Variants in ZBTB7B observed in about 807,000 individuals in gnomAD.
ZBTB7B encodes zinc finger and BTB domain containing 7B, also known as zinc finger and BTB domain-containing protein 7B.
In ZBTB7B, 8 loss-of-function variants were observed where a neutral mutation model predicts 31.0. That is an observed-to-expected ratio of 0.26 (90% CI 0.15 to 0.47). The LOEUF is 0.47. Among genes scored for constraint, ZBTB7B ranks in the 20% least tolerant of loss-of-function variants. The pLI is 0.99. For synonymous variants in ZBTB7B, 261 were observed against 307.3 expected (o/e 0.85, Z 1.58); for missense variants, 494 against 742.4 (o/e 0.67, Z 3.89).
chr1:155,005,216 T>TG (rs1320312559), intron 1 of ZBTB7B, among the ~76,000 whole-genome samples: 3 of 118,458 alleles, frequency 2.5e-5, no homozygotes, highest in South Asian at 2.6e-4. Flanking sequence ...CCAGCAGGCA[T>TG]GGGGGGCGGA....
rs780480698 is a variant in ZBTB7B, at chr1:155,010,940, T to A, written c.-6-3715T>A. The A allele has an allele frequency of 2.0e-6, 3 of 1,535,282 alleles. No individual in the cohort carries two copies. In the South Asian group the frequency reaches 3.6e-5, roughly 18 times the overall value. ...GGAAGATGTTACAGCCTGGTCCTCA[T>A]CCTCCCTCACCCCAAGCTGCTGCTC... On this transcript the variant is annotated intron_variant, in intron 1 of 2. Coordinates refer to ENST00000535420, the MANE Select transcript of ZBTB7B (RefSeq NM_001256455.2).
rs758680649 is a variant in ZBTB7B at position 155,015,789 on chromosome 1, G to A, written c.1129G>A (p.Glu377Lys). 17 of 1,611,572 alleles carry A rather than the reference G, an allele frequency of 1.1e-5. No individual in the cohort carries two copies. The highest frequency in any genetic ancestry group is 1.3e-5 in the African/African-American group (1 of 74,862). ...CACAGGCGAGAAGCCCTTTGCCTGC[G>A]AGGTCTGCGGTGTTCGATTCACCAG... ...THTGEKPFAC[E>K]VCGVRFTRND... Residue 377 changes from glutamate (E) to lysine (K), a missense_variant, in exon 2 of 3, where the codon GAG (glutamate) becomes AAG (lysine). This residue lies in a region of ZBTB7B where 61 missense variants were observed against 170.0 expected (regional missense o/e 0.36). Coordinates refer to ENST00000535420, the MANE Select transcript of ZBTB7B (RefSeq NM_001256455.2).
At chr1:155,011,005 A>G in intron 1 of ZBTB7B, 1 of 1,535,254 alleles carries the variant, frequency 6.5e-7, no homozygotes, top group Non-Finnish European at 8.7e-7. Flanking sequence ...GCTCCCTGGC[A>G]GAGCCTAGAG....
intron 1 of ZBTB7B, chr1:155,014,131 A>G: frequency 4.1e-6 from 4 of 967,114 alleles, no homozygotes; most frequent in Non-Finnish European, 4.9e-6. Flanking sequence ...TCCCCAGGTT[A>G]TGAGGAGGTT....
intron 1 of ZBTB7B, among the ~76,000 whole-genome samples, chr1:155,009,355 G>C (rs1459091493): frequency 6.6e-6 from 1 of 151,152 alleles, no homozygotes; most frequent in Non-Finnish European, 1.5e-5. Context: ...AGCCAGCTCG[G>C]TTACCCAGCC....
At chr1:155,009,820 A>G (rs1039217604) in intron 1 of ZBTB7B, among the ~76,000 whole-genome samples, 2 of 151,988 alleles carry the variant, frequency 1.3e-5, no homozygotes, top group African/African-American at 4.8e-5. Context: ...GAAGAAGGGA[A>G]TGGATGGTTG....
chr1:155,013,499 G>T (rs1304274355), intron 1 of ZBTB7B, among the ~76,000 whole-genome samples: 2 of 152,218 alleles, frequency 1.3e-5, no homozygotes, highest in African/African-American at 4.8e-5. Flanking sequence ...GCAGAGCCAG[G>T]ATTTAAAGCA....
chr1:155,015,277 A>C lies in ZBTB7B; in HGVS notation c.617A>C (p.Lys206Thr). Residue 206 changes from lysine to threonine, a missense_variant, in exon 2 of 3, where the codon AAA becomes ACA. By Grantham distance (78) the Lys-to-Thr change is moderately conservative. Coordinates refer to ENST00000535420, the MANE Select transcript of ZBTB7B (RefSeq NM_001256455.2). ...GCCCGCCGCAGCCGCAAGCCCCGGA[A>C]AGCTTTCCTGCAAACCAAGGGGGCC... ...PVARRSRKPRKAFLQTKGARA... is the reference protein window; with the variant it reads ...PVARRSRKPRTAFLQTKGARA... 1.2e-6 allele frequency: 2 copies of C among 1,613,532 alleles called. No individual in the cohort carries two copies. Among genetic ancestry groups the C allele is most frequent in the Non-Finnish European group, 1.7e-6 (2 of 1,179,804 alleles).
chr1:155,015,396 G>A lies in ZBTB7B; in HGVS notation c.736G>A (p.Gly246Arg). ...EEVAGRVGSS[G>R]GSGPGDSYSP... is the part of the protein sequence containing the mutation. ...GGTGGCGGGCAGAGTGGGCAGCAGTGGGGGCAGTGGGCCGGGGGACAGCTA... is the reference window on the plus strand; with the variant it reads ...GGTGGCGGGCAGAGTGGGCAGCAGTAGGGGCAGTGGGCCGGGGGACAGCTA... The change falls in exon 2 of 3, where the codon GGG (glycine) becomes AGG (arginine). Residue 246 changes from glycine (G) to arginine (R), a missense_variant. Gly to Arg is a moderately radical substitution (Grantham distance 125). Coordinates refer to ENST00000535420, the MANE Select transcript of ZBTB7B (RefSeq NM_001256455.2). 1 of 1,570,006 alleles carries A rather than the reference G, an allele frequency of 6.4e-7. No homozygotes were observed. Among genetic ancestry groups the A allele is most frequent in the South Asian group, 1.2e-5 (1 of 84,274 alleles).
chr1:155,016,527 A>T lies in ZBTB7B; in HGVS notation c.1462A>T (p.Asn488Tyr). 2 of 1,613,988 alleles carry T rather than the reference A, an allele frequency of 1.2e-6. No individual in the cohort carries two copies. Among genetic ancestry groups the T allele is most frequent in the Non-Finnish European group, 1.7e-6 (2 of 1,179,942 alleles). ...ATCCCCCGCTGGCCTCGACCTCTCCAATGGCCACCTGGACACCTTCCGCCT... is the reference window on the plus strand; with the variant it reads ...ATCCCCCGCTGGCCTCGACCTCTCCTATGGCCACCTGGACACCTTCCGCCT... ...AASPAGLDLS[N>Y]GHLDTFRLSL... Residue 488 changes from asparagine (N) to tyrosine (Y), a missense_variant, in exon 3 of 3, where the codon AAT (asparagine) becomes TAT (tyrosine). Around this residue, in one of 5 missense-constraint regions of ZBTB7B, gnomAD observed 101 missense variants for 119.5 expected, o/e 0.85. Transcript: ENST00000535420. This position sits in a 1 kb window ranked among gnomAD's most constrained non-coding sequence, Gnocchi z 4.3.
chr1:155,018,404 C>T lies in ZBTB7B; in HGVS notation c.*1719C>T. 1.1e-6 allele frequency: 1 copy of T among 884,856 alleles called. No homozygotes were observed. Among genetic ancestry groups the T allele is most frequent in the Non-Finnish European group, 1.7e-6 (1 of 592,896 alleles). 54.8% of individuals were successfully genotyped at this position (884,856 alleles called of 1,614,324 possible). ...TGGCCTCCCTTCTCCCTACTTTCGG[C>T]TTTCCCAGTCAGTGCCTTAGGGGGA... On this transcript the variant is annotated 3_prime_UTR_variant, in exon 3 of 3. Transcript: ENST00000535420.
At chr1:155,002,710 G>C (rs1482299380), upstream of ZBTB7B, 1 of 139,144 alleles carries the variant, frequency 7.2e-6, no homozygotes, top group Non-Finnish European at 1.6e-5. Flanking sequence ...TGAGGGGGGG[G>C]CGGGTGGGAG....
At position 155,011,550 on chromosome 1, in the gene ZBTB7B, TG is replaced by T. The variant is rs1324380500; in HGVS notation, c.-6-3098del. Among the ~76,000 whole-genome samples, 32 of 150,944 alleles carry T rather than the reference TG, an allele frequency of 2.1e-4. 1 individual carries two copies. In the Middle Eastern group the frequency reaches 0.014, roughly 65 times the overall value. Reference sequence around the variant, plus strand: ...AGCAGGCCTGACAGTGAGGGGAGCCTGGGGGGGTGGCGGGAAAGAGGGGAGT... The same window carrying T: ...AGCAGGCCTGACAGTGAGGGGAGCCTGGGGGGTGGCGGGAAAGAGGGGAGT... On this transcript the variant is annotated intron_variant, in intron 1 of 2. Transcript: ENST00000535420.
Position 155,003,433 on chromosome 1 carries a change from G to T in ZBTB7B, c.-7+490G>T, listed in dbSNP as rs1218204465. On this transcript the variant is annotated intron_variant, in intron 1 of 2. Transcript: ENST00000535420. The surrounding 1 kb of genome is among the most constrained non-coding windows in gnomAD (Gnocchi z 5.8). ...TTGCATGGGGGTTGGGGGGGCGCAG[G>T]AGGAGCCGCGGCTTGGGGGAAAGTT... is the stretch of plus-strand genomic sequence containing the variant. Among the ~76,000 whole-genome samples, 1 of 152,118 alleles carries T rather than the reference G, an allele frequency of 6.6e-6. No individual in the cohort carries two copies. Among genetic ancestry groups the T allele is most frequent in the Admixed American group, 6.5e-5 (1 of 15,284 alleles).
At chr1:155,014,499 C>A in intron 1 of ZBTB7B, 156 bp from the exon 2 acceptor site, 1 of 676,248 alleles carries the variant, frequency 1.5e-6, no homozygotes, top group Non-Finnish European at 2.5e-6. Flanking sequence ...GATGATCATA[C>A]TTCAGAGGGT....
At position 155,015,220 on chromosome 1, in the gene ZBTB7B, C is replaced by T; in HGVS notation, c.560C>T (p.Pro187Leu). Residue 187 changes from proline to leucine, a missense_variant, in exon 2 of 3, where the codon CCA becomes CTA. This residue lies in a region of ZBTB7B where 216 missense variants were observed against 229.3 expected (regional missense o/e 0.94). Coordinates refer to ENST00000535420, the MANE Select transcript of ZBTB7B (RefSeq NM_001256455.2). Reference protein sequence around the residue: ...GEDSPPQVPLPPPPPPPPRPV... With the variant: ...GEDSPPQVPLLPPPPPPPRPV... The stretch of plus-strand genomic sequence containing the variant: ...GACAGTCCTCCACAGGTGCCCCTCC[C>T]ACCACCTCCGCCACCGCCACCTCGG... 6.2e-7 allele frequency: 1 copy of T among 1,613,842 alleles called. No homozygotes were observed. Among genetic ancestry groups the T allele is most frequent in the Non-Finnish European group, 8.5e-7 (1 of 1,180,028 alleles).
At chr1:155,009,085 G>A (rs1440663771) in intron 1 of ZBTB7B, among the ~76,000 whole-genome samples, 5 of 152,366 alleles carry the variant, frequency 3.3e-5, no homozygotes, top group African/African-American at 1.2e-4. Context: ...AGGTCAGGAA[G>A]AGGGTGCCCA....
At chr1:155,009,241 TG>T (rs1658777379) in intron 1 of ZBTB7B, among the ~76,000 whole-genome samples, 1 of 152,132 alleles carries the variant, frequency 6.6e-6, no homozygotes, top group African/African-American at 2.4e-5. Flanking sequence ...GCCAGGAGGC[TG>T]GACAGGCTGG....
chr1:155,009,336 G>A (rs1658788724), intron 1 of ZBTB7B, among the ~76,000 whole-genome samples: 1 of 151,770 alleles, frequency 6.6e-6, no homozygotes, highest in Non-Finnish European at 1.5e-5. Flanking sequence ...TGGCGGGTGT[G>A]GGGTTACCAG....
Sources: gnomAD v4.1 joint callset for allele counts (sites outside exome capture counted in the v4.1 genomes callset) on GRCh38, gnomAD v4.1.1 for gene constraint, gnomAD v4.1.1 regional missense constraint, Gnocchi (gnomAD v3.1) non-coding constraint, MANE v1.5 for transcripts, NCBI Gene and HGNC (gene_info 2026-07-23, HGNC 2026-07-21) for gene names.